MKRN1: variants seen among roughly 807,000 people sequenced by gnomAD.
MKRN1 encodes the protein E3 ubiquitin-protein ligase makorin-1.
MKRN1 carries 9 observed loss-of-function variants against 55.5 expected under a neutral mutation model. The observed-to-expected ratio is 0.16, with a 90% CI of 0.10 to 0.28. The LOEUF (loss-of-function observed/expected upper bound fraction) is 0.28. MKRN1 is among the 10% of genes least tolerant of loss of function. The probability of loss-of-function intolerance (pLI) is 1.00; values close to 1 mark genes in which losing one functional copy is unlikely to be tolerated. For synonymous variants in MKRN1, 253 were observed against 235.9 expected (o/e 1.07, Z -0.66); for missense variants, 488 against 626.7 (o/e 0.78, Z 2.36).
At chr7:140,476,070 A>T (rs1374347921) in intron 1 of MKRN1, among the ~76,000 whole-genome samples, 3 of 152,216 alleles carry the variant, frequency 2.0e-5, no homozygotes, top group African/African-American at 7.2e-5. Context: ...CATTCTAATC[A>T]AAACTTCTAA....
In MKRN1 at chr7:140,455,547, T is replaced by C. The variant is rs945096698; in HGVS notation, c.1097+243A>G. 3 of 558,598 alleles carry C rather than the reference T, an allele frequency of 5.4e-6. No individual in the cohort carries two copies. The African/African-American group carries it at 5.6e-5, about 10-fold the overall frequency. The allele number at this position is 558,598 out of a possible 1,614,324, so 34.6% of individuals were successfully genotyped here. A position where few individuals can be genotyped will look rare whatever the true frequency, so the allele number is the denominator to read the frequency against. On this transcript the variant is annotated intron_variant, in intron 6 of 7. Transcript: ENST00000255977. ...GATTCAGAATAAGGTAGAACCCCAC[T>C]CATGGGGCCTTACTTGTCAACAGTA... is the stretch of plus-strand genomic sequence containing the variant.
Position 140,479,229 on chromosome 7 carries a change from A to T in MKRN1, c.116T>A (p.Leu39Gln). Residue 39 changes from leucine (L) to glutamine (Q), a missense_variant, in exon 1 of 8, where the codon CTG becomes CAG. By Grantham distance (113) the Leu-to-Gln change is moderately radical. Coordinates refer to ENST00000255977, the MANE Select transcript of MKRN1 (RefSeq NM_013446.4). ...TPIPTVTAPS[L>Q]GAGGGGGGSD... Reference sequence around the variant, plus strand: ...GCCGCCGCCCCCTCCGCCCGCCCCCAGGGACGGGGCGGTGACTGTGGGGAT... The same window carrying T: ...GCCGCCGCCCCCTCCGCCCGCCCCCTGGGACGGGGCGGTGACTGTGGGGAT... 6.9e-7 allele frequency: 1 copy of T among 1,445,022 alleles called. No individual in the cohort carries two copies. Among genetic ancestry groups the T allele is most frequent in the South Asian group, 1.4e-5 (1 of 72,004 alleles). 89.5% of individuals were successfully genotyped at this position (1,445,022 alleles called of 1,614,324 possible). A position where few individuals can be genotyped will look rare whatever the true frequency, so the allele number is the denominator to read the frequency against.
chr7:140,460,195 C>T lies in MKRN1; in HGVS notation c.315-259G>A, dbSNP rs565955446. The T allele has an allele frequency of 1.5e-4, 62 of 413,490 alleles. No individual in the cohort carries two copies. In the East Asian group the frequency reaches 3.0e-3, roughly 20 times the overall value. 25.6% of individuals were successfully genotyped at this position (413,490 alleles called of 1,614,324 possible). Reference sequence around the variant, plus strand: ...CCAGGAGACAGAGGTTGTGGTGAGCCGAGATCATGCCACTGTACTCCAGCC... The same window carrying T: ...CCAGGAGACAGAGGTTGTGGTGAGCTGAGATCATGCCACTGTACTCCAGCC... On this transcript the variant is annotated intron_variant, in intron 2 of 7. Coordinates refer to ENST00000255977, the MANE Select transcript of MKRN1 (RefSeq NM_013446.4).
At chr7:140,479,011 G>A (rs1012992536) in intron 1 of MKRN1, 149 bp downstream of exon 1, 4 of 993,422 alleles carry the variant, frequency 4.0e-6, no homozygotes, top group Non-Finnish European at 5.1e-6. Context: ...CGGCAGCGGG[G>A]GCCGCGAGGG....
chr7:140,473,261 TTCGGTGAAAACC>T, intron 1 of MKRN1: 1 of 451,100 alleles, frequency 2.2e-6, no homozygotes, highest in East Asian at 7.0e-5. Context: ...TGAGTTTGCC[TTCGGTGAAAACC>T]TGGGCCATAT....
chr7:140,461,037 T>C (rs1431261335), intron 2 of MKRN1, among the ~76,000 whole-genome samples: 3 of 152,244 alleles, frequency 2.0e-5, no homozygotes, highest in African/African-American at 7.2e-5. Flanking sequence ...TGACAGTCTA[T>C]AGTTCCCATG....
intron 2 of MKRN1, among the ~76,000 whole-genome samples, chr7:140,468,515 A>C (rs943932751): frequency 6.6e-6 from 1 of 151,804 alleles, no homozygotes; most frequent in African/African-American, 2.4e-5. Context: ...AGCCTGGCCA[A>C]CATGGTGAAA....
In MKRN1 at chr7:140,454,245, G is replaced by T. The variant is rs1455081936; in HGVS notation, c.*272C>A. 2.2e-6 allele frequency: 1 copy of T among 450,396 alleles called. No homozygotes were observed. Among genetic ancestry groups the T allele is most frequent in the Non-Finnish European group, 4.1e-6 (1 of 243,078 alleles). The allele number at this position is 450,396 out of a possible 1,614,324, so 27.9% of individuals were successfully genotyped here. A position where few individuals can be genotyped will look rare whatever the true frequency, so the allele number is the denominator to read the frequency against. On this transcript the variant is annotated 3_prime_UTR_variant, in exon 8 of 8. Transcript: ENST00000255977. ...TGCAATCTGGTTGAAAACAGATGAC[G>T]CAACACACCTACACTAACTGTCTGA... is the stretch of plus-strand genomic sequence containing the variant.
intron 2 of MKRN1, among the ~76,000 whole-genome samples, chr7:140,469,851 C>A (rs1794873391): frequency 6.6e-6 from 1 of 152,012 alleles, no homozygotes; most frequent in Non-Finnish European, 1.5e-5. Flanking sequence ...GAGATCAAGA[C>A]CATCCTTTCA....
intron 1 of MKRN1, among the ~76,000 whole-genome samples, chr7:140,477,005 G>A (rs188249481): frequency 1.3e-5 from 2 of 151,552 alleles, no homozygotes; most frequent in Admixed American, 1.3e-4. Flanking sequence ...GACTGAGGCA[G>A]GAGAATCAAT....
intron 1 of MKRN1, among the ~76,000 whole-genome samples, chr7:140,477,810 T>G (rs1353364015): frequency 6.6e-6 from 1 of 152,232 alleles, no homozygotes; most frequent in Non-Finnish European, 1.5e-5. Flanking sequence ...CTAGCACATA[T>G]AGATCAACTG....
At chr7:140,471,203 T>C (rs1258545451) in intron 2 of MKRN1, among the ~76,000 whole-genome samples, 1 of 151,926 alleles carries the variant, frequency 6.6e-6, no homozygotes, top group Non-Finnish European at 1.5e-5. Context: ...ACGCAACATA[T>C]TAAGACCCCC....
At position 140,459,421 on chromosome 7, in the gene MKRN1, T is replaced by TA. The variant is rs56916081; in HGVS notation, c.545-189dup. Among the ~76,000 whole-genome samples the TA allele has an allele frequency of 5.5e-3, 810 of 148,400 alleles. 8 individuals are homozygous for TA. Among genetic ancestry groups the TA allele is most frequent in the African/African-American group, 0.017 (689 of 41,218 alleles). On this transcript the variant is annotated intron_variant, in intron 3 of 7. Coordinates refer to ENST00000255977, the MANE Select transcript of MKRN1 (RefSeq NM_013446.4). Reference sequence around the variant, plus strand: ...GCTGTTATTTCCAAGATTAGACTTGTAAAAAAAAAAAATTGCTTCTTTATC... The same window carrying TA: ...GCTGTTATTTCCAAGATTAGACTTGTAAAAAAAAAAAAATTGCTTCTTTATC...
intron 2 of MKRN1, 51 bp downstream of exon 2, chr7:140,471,832 T>C: frequency 2.5e-6 from 4 of 1,595,598 alleles, no homozygotes; most frequent in Non-Finnish European, 3.4e-6. Flanking sequence ...GTATGTCTTT[T>C]ACCTTTTTCC....
intron 1 of MKRN1, among the ~76,000 whole-genome samples, chr7:140,474,006 A>AG (rs1424576257): frequency 1.0e-4 from 1 of 9,584 alleles, no homozygotes; most frequent in Non-Finnish European, 1.8e-4. Context: ...AAAAAAAAAA[A>AG]AAGAAAGAAA....
At position 140,479,145 on chromosome 7, in the gene MKRN1, C is replaced by T. The variant is rs917673605; in HGVS notation, c.185+15G>A. 12 of 1,328,372 alleles carry T rather than the reference C, an allele frequency of 9.0e-6. No individual in the cohort carries two copies. In the Admixed American group the frequency reaches 4.8e-4, roughly 53 times the overall value. 82.3% of individuals were successfully genotyped at this position (1,328,372 alleles called of 1,614,324 possible). Reference sequence around the variant, plus strand: ...CCCCTCCCCGCGCCCGGCGCTCCGCCGCGCAACGTCCTACCTGCAGGTGAC... The same window carrying T: ...CCCCTCCCCGCGCCCGGCGCTCCGCTGCGCAACGTCCTACCTGCAGGTGAC... On this transcript the variant is annotated intron_variant, in intron 1 of 7. Transcript: ENST00000255977.
At chr7:140,478,970 G>A (rs1795206483) in intron 1 of MKRN1, 190 bp downstream of exon 1, 3 of 635,878 alleles carry the variant, frequency 4.7e-6, no homozygotes, top group Non-Finnish European at 4.4e-6. Flanking sequence ...GCGGCCCAGC[G>A]GGGGTTGACG....
chr7:140,458,495 G>C (rs78467230), intron 4 of MKRN1, among the ~76,000 whole-genome samples: 5,352 of 152,258 alleles, frequency 0.035, 305 homozygotes, highest in African/African-American at 0.12. Context: ...CCAGGAGCTG[G>C]AGGAAGGCTG....
chr7:140,466,511 A>T (rs1794770324), intron 2 of MKRN1, among the ~76,000 whole-genome samples: 1 of 152,138 alleles, frequency 6.6e-6, no homozygotes, highest in Non-Finnish European at 1.5e-5. Context: ...CAAACAGAAT[A>T]AAAAAACTTA....
Sources: gnomAD v4.1 joint callset for allele counts (sites outside exome capture counted in the v4.1 genomes callset) on GRCh38, gnomAD v4.1.1 for gene constraint, MANE v1.5 for transcripts, NCBI Gene and HGNC (gene_info 2026-07-23, HGNC 2026-07-21) for gene names.